RIMS1: variants seen among roughly 807,000 people sequenced by gnomAD.
The protein encoded by RIMS1 is regulating synaptic membrane exocytosis 1.
Under a neutral mutation model 214.1 loss-of-function variants are expected in RIMS1, and 83 were observed. The ratio of observed to expected loss-of-function variants is 0.39; its 90% CI spans 0.32 to 0.47. RIMS1 has a LOEUF of 0.47. Among genes scored for constraint, RIMS1 ranks in the 20% least tolerant of loss-of-function variants. RIMS1 has a pLI of 0.99. For synonymous variants in RIMS1, 793 were observed against 786.8 expected (o/e 1.01, Z -0.13); for missense variants, 2,050 against 2,161.8 (o/e 0.95, Z 1.03).
chr6:72,371,490 C>T (rs2098218929), intron 29 of RIMS1, among the ~76,000 whole-genome samples: 1 of 152,120 alleles, frequency 6.6e-6, no homozygotes, highest in South Asian at 2.1e-4. Flanking sequence ...AGACTTGAAA[C>T]TTTGTCCATA....
At chr6:72,360,909 A>T (rs2097790617) in intron 29 of RIMS1, among the ~76,000 whole-genome samples, 1 of 149,524 alleles carries the variant, frequency 6.7e-6, no homozygotes, top group African/African-American at 2.4e-5. Context: ...TCCTAGCCTT[A>T]GAAATCCTCT....
chr6:72,380,145 G>A (rs62407525), intron 29 of RIMS1, among the ~76,000 whole-genome samples: 25,753 of 152,012 alleles, frequency 0.17, 2,792 homozygotes, highest in Middle Eastern at 0.26. Flanking sequence ...ACTATCGCAA[G>A]GATAGAAAAC....
chr6:72,368,832 G>C (rs1338799286), intron 29 of RIMS1, among the ~76,000 whole-genome samples: 8 of 152,090 alleles, frequency 5.3e-5, no homozygotes, highest in Non-Finnish European at 8.8e-5. Context: ...TAGGAGTTCA[G>C]AGAGCAGTAT....
At chr6:71,967,395 GA>G (rs58861260) in intron 1 of RIMS1, among the ~76,000 whole-genome samples, 9,706 of 147,126 alleles carry the variant, frequency 0.066, 498 homozygotes, top group East Asian at 0.19. Context: ...CTCAAAAAAA[GA>G]AAAAAAAAAT....
intron 29 of RIMS1, among the ~76,000 whole-genome samples, chr6:72,365,555 T>A (rs2097969849): frequency 6.6e-6 from 1 of 152,364 alleles, no homozygotes; most frequent in East Asian, 1.9e-4. Context: ...GTCTATTGAC[T>A]ATATAATTTA....
At chr6:71,978,644 AT>A (rs1254838733) in intron 2 of RIMS1, among the ~76,000 whole-genome samples, 3 of 152,090 alleles carry the variant, frequency 2.0e-5, no homozygotes, top group Non-Finnish European at 4.4e-5. Flanking sequence ...GAATGAAGTT[AT>A]TTTTCTGAGA....
chr6:72,017,100 G>T (rs1044543350), intron 2 of RIMS1, among the ~76,000 whole-genome samples: 4 of 152,180 alleles, frequency 2.6e-5, no homozygotes, highest in African/African-American at 9.7e-5. Flanking sequence ...ATGATGGCCC[G>T]TGGTATAGAC....
chr6:72,343,476 C>T (rs915742904), intron 29 of RIMS1, among the ~76,000 whole-genome samples: 166 of 108,452 alleles, frequency 1.5e-3, no homozygotes, highest in Non-Finnish European at 2.4e-3. Flanking sequence ...CCTTTCTTTT[C>T]TTTCTTCTTC....
rs992558314 is a variant in RIMS1 at position 71,899,495 on chromosome 6, C to A, written c.164+12308C>A. 1.3e-5 allele frequency among the ~76,000 whole-genome samples: 2 copies of A among 152,058 alleles called. 1 individual carries two copies. Among genetic ancestry groups the A allele is most frequent in the South Asian group, 4.1e-4 (2 of 4,826 alleles). ...TTGTATACACACACACACACAAACA[C>A]ACACACACATATATATATATACTCT... On this transcript the variant is annotated intron_variant, in intron 1 of 33. Transcript: ENST00000521978.
intron 1 of RIMS1, among the ~76,000 whole-genome samples, chr6:71,966,066 T>C (rs1165074860): frequency 6.6e-6 from 1 of 152,202 alleles, no homozygotes; most frequent in Non-Finnish European, 1.5e-5. Flanking sequence ...CCTTCCAAAC[T>C]ATGATCCAAT....
At chr6:72,350,302 G>A (rs1365936729) in intron 29 of RIMS1, among the ~76,000 whole-genome samples, 1 of 152,112 alleles carries the variant, frequency 6.6e-6, no homozygotes, top group African/African-American at 2.4e-5. Flanking sequence ...TGCTCTCAGT[G>A]CAATTGCAAG....
intron 29 of RIMS1, among the ~76,000 whole-genome samples, chr6:72,380,140 C>G (rs914751834): frequency 2.0e-5 from 3 of 152,112 alleles, no homozygotes; most frequent in African/African-American, 4.8e-5. Context: ...AGCAAACTAT[C>G]GCAAGGATAG....
Position 72,402,483 on chromosome 6 carries a change from A to G in RIMS1, c.*1769A>G, listed in dbSNP as rs902050846. ...CTGTGGGGCTGTAACACATGTAGAC[A>G]CTGTGTACACACTAGGTTTTAATTC... On this transcript the variant is annotated 3_prime_UTR_variant, in exon 34 of 34. Transcript: ENST00000521978. 1 of 152,624 alleles carries G rather than the reference A, an allele frequency of 6.6e-6. No homozygotes were observed. Among genetic ancestry groups the G allele is most frequent in the Non-Finnish European group, 1.5e-5 (1 of 68,020 alleles). 9.5% of individuals were successfully genotyped at this position (152,624 alleles called of 1,614,324 possible). A position where few individuals can be genotyped will look rare whatever the true frequency, so the allele number is the denominator to read the frequency against.
intron 1 of RIMS1, among the ~76,000 whole-genome samples, chr6:71,960,224 A>G (rs544649427): frequency 1.1e-4 from 16 of 152,184 alleles, no homozygotes; most frequent in African/African-American, 3.6e-4. Context: ...CTCTCTCTCA[A>G]TGAAGTCGGT....
rs1596487125 is a variant in RIMS1, at chr6:72,403,001, A to G, written c.*2287A>G. 1 of 152,466 alleles carries G rather than the reference A, an allele frequency of 6.6e-6. No homozygotes were observed. The highest frequency in any genetic ancestry group is 2.4e-5 in the African/African-American group (1 of 41,552). 9.4% of individuals were successfully genotyped at this position (152,466 alleles called of 1,614,324 possible). On this transcript the variant is annotated 3_prime_UTR_variant, in exon 34 of 34. Coordinates refer to ENST00000521978, the MANE Select transcript of RIMS1 (RefSeq NM_014989.7). ...TACTTTGCATCACATACAAGTTTTC[A>G]CTTCGTCAGCCTGTCTAAGTGAGCA...
At chr6:72,352,005 C>A (rs1394311906) in intron 29 of RIMS1, among the ~76,000 whole-genome samples, 1 of 152,092 alleles carries the variant, frequency 6.6e-6, no homozygotes. Context: ...ATAGTAAGGG[C>A]AGAGCTGGAA....
intron 19 of RIMS1, chr6:72,263,288 C>G: frequency 1.0e-6 from 1 of 985,164 alleles, no homozygotes; most frequent in Non-Finnish European, 1.2e-6. Flanking sequence ...TAAAACGTGT[C>G]TCGAGGAAGT....
chr6:72,252,135 T>C (rs901753196), intron 15 of RIMS1, among the ~76,000 whole-genome samples: 1 of 152,206 alleles, frequency 6.6e-6, no homozygotes, highest in African/African-American at 2.4e-5. Context: ...TTGAGTAATT[T>C]TTGTGTCATA....
chr6:72,166,760 A>T (rs113796999), intron 4 of RIMS1, among the ~76,000 whole-genome samples: 1 of 141,482 alleles, frequency 7.1e-6, no homozygotes, highest in African/African-American at 2.6e-5. Context: ...CTGGTGTATG[A>T]AATAAAATTG....
Sources: gnomAD v4.1 joint callset for allele counts (sites outside exome capture counted in the v4.1 genomes callset) on GRCh38, gnomAD v4.1.1 for gene constraint, MANE v1.5 for transcripts, NCBI Gene and HGNC (gene_info 2026-07-23, HGNC 2026-07-21) for gene names.